DGKG: variants seen among roughly 807,000 people sequenced by gnomAD.
DGKG encodes the protein diacylglycerol kinase gamma.
In DGKG, 78 loss-of-function variants were observed where a neutral mutation model predicts 105.3. That is an observed-to-expected ratio of 0.74 (90% CI 0.62 to 0.89). The LOEUF (loss-of-function observed/expected upper bound fraction) is 0.89. Among genes scored for constraint, DGKG ranks in the 40% least tolerant of loss-of-function variants. The pLI is 0.00. For synonymous variants in DGKG, 346 were observed against 367.1 expected (o/e 0.94, Z 0.66); for missense variants, 958 against 1,020.1 (o/e 0.94, Z 0.83).
chr3:186,283,128 C>T (rs1310535928), intron 7 of DGKG, among the ~76,000 whole-genome samples: 8 of 151,946 alleles, frequency 5.3e-5, no homozygotes, highest in African/African-American at 7.3e-5. Context: ...AGGCTGGGCT[C>T]GAACTCCTGA....
intron 22 of DGKG, among the ~76,000 whole-genome samples, chr3:186,183,349 G>C (rs756672159): frequency 6.6e-6 from 1 of 152,118 alleles, no homozygotes; most frequent in Non-Finnish European, 1.5e-5. Flanking sequence ...CATGGGTTTC[G>C]GGTTAGGATT....
In DGKG at chr3:186,298,114, G is replaced by T; in HGVS notation, c.260C>A (p.Thr87Asn). ...GGCTCCCTCCGTCGGGTGGTCAGAG[G>T]TCTCGTGTCTGGGCTTCTGGCTGAA... is the stretch of plus-strand genomic sequence containing the variant. ...LAFSQKPRHE[T>N]SDHPTEGASN... The change falls in exon 4 of 25, where the codon ACC becomes AAC. Residue 87 changes from threonine (T) to asparagine (N), a missense_variant. Around this residue, in one of 2 missense-constraint regions of DGKG, gnomAD observed 643 missense variants for 619.5 expected, o/e 1.04. Transcript: ENST00000265022. 6.2e-7 allele frequency: 1 copy of T among 1,614,116 alleles called. No homozygotes were observed. Among genetic ancestry groups the T allele is most frequent in the Non-Finnish European group, 8.5e-7 (1 of 1,179,994 alleles).
chr3:186,167,573 T>C (rs1197841925), intron 22 of DGKG, among the ~76,000 whole-genome samples: 2 of 152,224 alleles, frequency 1.3e-5, no homozygotes, highest in African/African-American at 2.4e-5. Context: ...TGCAAGTCAG[T>C]GTCTAGGCAC....
chr3:186,147,850 C>T lies in DGKG; in HGVS notation c.*2240G>A, dbSNP rs1302307655. ...GAAACAAGTGGCTTCCAAGATAGTA[C>T]CTGTAGTAATTCTGGAGCTTGTTGG... On this transcript the variant is annotated 3_prime_UTR_variant, in exon 25 of 25. Coordinates refer to ENST00000265022, the MANE Select transcript of DGKG (RefSeq NM_001346.3). 7.1e-6 allele frequency: 7 copies of T among 985,402 alleles called. No individual in the cohort carries two copies. Among genetic ancestry groups the T allele is most frequent in the Non-Finnish European group, 8.4e-6 (7 of 829,928 alleles). 61.0% of individuals were successfully genotyped at this position (985,402 alleles called of 1,614,324 possible). A position where few individuals can be genotyped will look rare whatever the true frequency, so the allele number is the denominator to read the frequency against.
At chr3:186,167,800 C>T (rs1479591509) in intron 22 of DGKG, among the ~76,000 whole-genome samples, 1 of 144,218 alleles carries the variant, frequency 6.9e-6, no homozygotes, top group South Asian at 2.2e-4. Flanking sequence ...CACTCACTCA[C>T]TCATTCAACA....
chr3:186,196,780 T>C (rs1032431175), intron 21 of DGKG, among the ~76,000 whole-genome samples: 1 of 152,188 alleles, frequency 6.6e-6, no homozygotes, highest in African/African-American at 2.4e-5. Context: ...AGTTGGTAAG[T>C]TGACCTTCCT....
intron 20 of DGKG, among the ~76,000 whole-genome samples, chr3:186,214,379 T>G (rs1719179557): frequency 6.6e-6 from 1 of 152,240 alleles, no homozygotes; most frequent in East Asian, 1.9e-4. Flanking sequence ...GATTGCTGTA[T>G]AGCAGGCTCA....
chr3:186,166,745 G>C (rs1716567358), intron 22 of DGKG, among the ~76,000 whole-genome samples: 1 of 151,900 alleles, frequency 6.6e-6, no homozygotes, highest in African/African-American at 2.4e-5. Flanking sequence ...GGGGGTTTGA[G>C]GGTTGATGTT....
intron 2 of DGKG, among the ~76,000 whole-genome samples, chr3:186,315,574 A>G (rs1724779384): frequency 6.6e-6 from 1 of 152,164 alleles, no homozygotes; most frequent in African/African-American, 2.4e-5. Flanking sequence ...TGTGGATATC[A>G]GTTTGCCTTA....
At chr3:186,264,110 G>A (rs772518872) in intron 14 of DGKG, among the ~76,000 whole-genome samples, 8 of 152,146 alleles carry the variant, frequency 5.3e-5, no homozygotes, top group Admixed American at 6.5e-5. Context: ...AAGACAACCC[G>A]ATGGCTGCCT....
At chr3:186,160,905 G>C (rs1716261720) in intron 24 of DGKG, 1 of 985,318 alleles carries the variant, frequency 1.0e-6, no homozygotes, top group Non-Finnish European at 1.2e-6. Flanking sequence ...TCTGGGAATG[G>C]AGATAGTCTA....
chr3:186,270,803 G>C (rs1006361466), intron 11 of DGKG, among the ~76,000 whole-genome samples: 1 of 152,202 alleles, frequency 6.6e-6, no homozygotes, highest in South Asian at 2.1e-4. Context: ...CATTCTCTTT[G>C]GGATCTGAGG....
At chr3:186,290,285 T>A (rs953323978) in intron 5 of DGKG, among the ~76,000 whole-genome samples, 1 of 152,088 alleles carries the variant, frequency 6.6e-6, no homozygotes, top group Non-Finnish European at 1.5e-5. Context: ...GATAGTGAGA[T>A]AGGGGAGGTT....
intron 1 of DGKG, among the ~76,000 whole-genome samples, chr3:186,333,915 T>C (rs1304924231): frequency 6.6e-6 from 1 of 152,134 alleles, no homozygotes; most frequent in Admixed American, 6.5e-5. Flanking sequence ...AACACTCAAG[T>C]TTGGAACGGT....
chr3:186,272,428 G>A, intron 10 of DGKG, 85 bp from the exon 11 acceptor site: 1 of 973,002 alleles, frequency 1.0e-6, no homozygotes, highest in South Asian at 1.3e-5. Context: ...GCCAAGGTCT[G>A]TACCTCCCTT....
intron 14 of DGKG, among the ~76,000 whole-genome samples, chr3:186,262,804 G>A (rs906565938): frequency 5.9e-5 from 9 of 152,024 alleles, no homozygotes; most frequent in African/African-American, 9.7e-5. Flanking sequence ...TCCATGTCCC[G>A]AAATGCCCAC....
chr3:186,221,122 G>C (rs1181723691), intron 20 of DGKG, among the ~76,000 whole-genome samples: 2 of 152,220 alleles, frequency 1.3e-5, no homozygotes, highest in Non-Finnish European at 2.9e-5. Flanking sequence ...TCTGAGGCCA[G>C]AGAGTCTCTC....
intron 3 of DGKG, among the ~76,000 whole-genome samples, chr3:186,306,371 C>T (rs780398153): frequency 2.0e-5 from 3 of 151,636 alleles, no homozygotes; most frequent in Non-Finnish European, 2.9e-5. Flanking sequence ...ATGAAGGAGA[C>T]AGAGGTAGAG....
chr3:186,227,902 G>A (rs980364785), intron 20 of DGKG, among the ~76,000 whole-genome samples: 3 of 152,096 alleles, frequency 2.0e-5, no homozygotes, highest in Non-Finnish European at 2.9e-5. Context: ...TTATGCAAAA[G>A]GGCAATAATT....
Sources: allele counts gnomAD v4.1 joint callset (sites outside exome capture counted in the v4.1 genomes callset), GRCh38; gene constraint gnomAD v4.1.1; regional missense constraint gnomAD v4.1.1; transcripts MANE v1.5; gene names NCBI Gene and HGNC (gene_info 2026-07-23, HGNC 2026-07-21).